CNTN1: variants seen among roughly 807,000 people sequenced by gnomAD.
CNTN1 encodes contactin-1.
Under a neutral mutation model 126.4 loss-of-function variants are expected in CNTN1, and 38 were observed. The ratio of observed to expected loss-of-function variants is 0.30; its 90% confidence interval spans 0.23 to 0.39. CNTN1 has a LOEUF of 0.39. CNTN1 is among the 10% of genes least tolerant of loss of function. CNTN1 has a pLI of 1.00. For synonymous variants in CNTN1, 413 were observed against 422.6 expected (o/e 0.98, Z 0.28); for missense variants, 1,009 against 1,248.4 (o/e 0.81, Z 2.89).
At chr12:40,892,548 A>T (rs1212454031) in intron 1 of CNTN1, among the ~76,000 whole-genome samples, 2 of 152,112 alleles carry the variant, frequency 1.3e-5, no homozygotes, top group Non-Finnish European at 2.9e-5. Flanking sequence ...GAAGAGATGA[A>T]AAATCATAGC....
intron 1 of CNTN1, among the ~76,000 whole-genome samples, chr12:40,708,873 T>G (rs1317606399): frequency 3.9e-5 from 6 of 152,234 alleles, no homozygotes; most frequent in Non-Finnish European, 7.4e-5. Flanking sequence ...CTTCTAATTC[T>G]ATTTTTCTTG....
intron 16 of CNTN1, 60 bp from the exon 17 acceptor site, chr12:40,993,060 A>G: frequency 6.9e-7 from 1 of 1,457,508 alleles, no homozygotes; most frequent in Non-Finnish European, 9.6e-7. Context: ...TAAAAAGGGA[A>G]GTTATAAAAG....
intron 1 of CNTN1, among the ~76,000 whole-genome samples, chr12:40,844,513 T>TA (rs1313171670): frequency 2.6e-5 from 4 of 152,108 alleles, no homozygotes; most frequent in Admixed American, 2.0e-4. Context: ...AAATTGAACC[T>TA]AAAAAAATGC....
chr12:40,807,456 C>T (rs548379907), intron 1 of CNTN1, among the ~76,000 whole-genome samples: 41 of 152,222 alleles, frequency 2.7e-4, no homozygotes, highest in African/African-American at 9.6e-4. Context: ...CGAAAGGTGG[C>T]TCTAGCCTTG....
intron 1 of CNTN1, among the ~76,000 whole-genome samples, chr12:40,880,678 C>T (rs1211219969): frequency 6.6e-6 from 1 of 151,946 alleles, no homozygotes; most frequent in African/African-American, 2.4e-5. Context: ...TAAAGCTGAC[C>T]AAGAAAAGAA....
intron 14 of CNTN1, among the ~76,000 whole-genome samples, chr12:40,958,393 A>C (rs1006805142): frequency 6.6e-6 from 1 of 150,478 alleles, no homozygotes; most frequent in Admixed American, 6.7e-5. Flanking sequence ...GTATGTATGT[A>C]TGTATATACT....
At chr12:40,694,038 C>A (rs1941381160) in intron 1 of CNTN1, among the ~76,000 whole-genome samples, 1 of 152,036 alleles carries the variant, frequency 6.6e-6, no homozygotes, top group Non-Finnish European at 1.5e-5. Flanking sequence ...CTTACCAGCC[C>A]GAAGTGTAAC....
intron 15 of CNTN1, among the ~76,000 whole-genome samples, chr12:40,962,225 C>T (rs1947128044): frequency 6.6e-6 from 1 of 151,912 alleles, no homozygotes; most frequent in African/African-American, 2.4e-5. Context: ...ATAGTAAGAA[C>T]AGTGTTGCTG....
rs532938180 is a variant in CNTN1 at position 40,944,095 on chromosome 12, C to T, written c.1608C>T (p.Leu536=). 12 of 1,613,476 alleles carry T rather than the reference C, an allele frequency of 7.4e-6. No homozygotes were observed. The South Asian group carries it at 1.3e-4, about 18-fold the overall frequency. The change falls in exon 14 of 24, where the codon CTC becomes CTT. Residue 536 remains leucine (L), a synonymous_variant. Transcript: ENST00000551295. ...CGTCCTTTGATCCTGCCTTGGATCT[C>T]ACATTTGTTTGGTCCTTCAATGGCT... ...CAASFDPALD[L]TFVWSFNGYV... is the part of the protein sequence containing the mutation.
intron 1 of CNTN1, among the ~76,000 whole-genome samples, chr12:40,759,731 A>C (rs1001473334): frequency 6.6e-6 from 1 of 150,482 alleles, no homozygotes; most frequent in African/African-American, 2.4e-5. Context: ...GGCCTCCCAA[A>C]GTGCTGGGAT....
intron 3 of CNTN1, among the ~76,000 whole-genome samples, chr12:40,915,171 C>T (rs1945186207): frequency 6.6e-6 from 1 of 152,086 alleles, no homozygotes; most frequent in Non-Finnish European, 1.5e-5. Context: ...CTACTCATTT[C>T]ATTAAAATAT....
Position 40,918,766 on chromosome 12 carries a change from T to G in CNTN1, c.222T>G (p.Val74=). 1 of 1,613,658 alleles carries G rather than the reference T, an allele frequency of 6.2e-7. No individual in the cohort carries two copies. Among genetic ancestry groups the G allele is most frequent in the Non-Finnish European group, 8.5e-7 (1 of 1,179,624 alleles). Residue 74 remains valine (V), a synonymous_variant, in exon 4 of 24, where the codon GTT becomes GTG. Transcript: ENST00000551295. ...GGGCACGAGCCAGCCCTTTCCCGGT[T>G]TACAAGTAATGTACCTCGCTTCTCT... is the stretch of plus-strand genomic sequence containing the variant. ...NCRARASPFP[V]YKWRMNNGDV... is the part of the protein sequence containing the mutation.
intron 1 of CNTN1, among the ~76,000 whole-genome samples, chr12:40,844,047 G>A (rs1175831732): frequency 1.0e-5 from 1 of 98,592 alleles, no homozygotes; most frequent in Non-Finnish European, 2.3e-5. Flanking sequence ...ATATTTTATT[G>A]AAAAAATTCT....
chr12:40,967,094 G>C (rs1171831881), intron 15 of CNTN1, among the ~76,000 whole-genome samples: 3 of 152,008 alleles, frequency 2.0e-5, no homozygotes, highest in Admixed American at 6.6e-5. Flanking sequence ...TTGAACCCAG[G>C]GGGCGGAGGT....
At chr12:40,946,699 A>G (rs1946446132) in intron 14 of CNTN1, among the ~76,000 whole-genome samples, 2 of 152,138 alleles carry the variant, frequency 1.3e-5, no homozygotes, top group Non-Finnish European at 2.9e-5. Flanking sequence ...CAAATTTTAA[A>G]CTTTTTATTT....
intron 1 of CNTN1, among the ~76,000 whole-genome samples, chr12:40,872,597 G>T (rs1488384994): frequency 8.2e-6 from 1 of 122,074 alleles, no homozygotes; most frequent in Non-Finnish European, 1.6e-5. Flanking sequence ...TTTTGAGATG[G>T]AGTCTGGCTG....
At chr12:40,803,824 G>A (rs899784770) in intron 1 of CNTN1, among the ~76,000 whole-genome samples, 10 of 151,752 alleles carry the variant, frequency 6.6e-5, no homozygotes, top group Non-Finnish European at 8.8e-5. Flanking sequence ...AGAGGAGAAG[G>A]AAGGGGAAGG....
intron 1 of CNTN1, among the ~76,000 whole-genome samples, chr12:40,907,684 G>A (rs146210684): frequency 2.2e-3 from 337 of 152,170 alleles, no homozygotes; most frequent in Non-Finnish European, 2.8e-3. Context: ...GACAATTTTG[G>A]CCCCACAAAA....
intron 15 of CNTN1, among the ~76,000 whole-genome samples, chr12:40,978,174 T>A (rs527391258): frequency 1.3e-5 from 2 of 152,276 alleles, no homozygotes; most frequent in Admixed American, 6.5e-5. Context: ...TTAACGATTT[T>A]AAGAAACTTG....
Sources: allele counts gnomAD v4.1 joint callset (sites outside exome capture counted in the v4.1 genomes callset), GRCh38; gene constraint gnomAD v4.1.1; transcripts MANE v1.5; gene names NCBI Gene and HGNC (gene_info 2026-07-23, HGNC 2026-07-21).